Variants in CHRNA7 observed in about 807,000 individuals in gnomAD.
The protein encoded by CHRNA7 is neuronal acetylcholine receptor subunit alpha-7.
CHRNA7 carries 17 observed loss-of-function variants against 48.0 expected under a neutral mutation model. The ratio of observed to expected loss-of-function variants is 0.35; its 90% CI spans 0.24 to 0.53. The LOEUF (loss-of-function observed/expected upper bound fraction) is 0.53. Ranked by LOEUF, CHRNA7 falls within the 20% of genes least tolerant of loss-of-function variation. CHRNA7 has a pLI of 0.92. For synonymous variants in CHRNA7, 75 were observed against 242.3 expected, an observed-to-expected ratio of 0.31 and a Z score of 6.41; for missense variants, 155 against 577.7, an observed-to-expected ratio of 0.27 and a Z score of 7.50.
At chr15:32,076,287 A>G (rs1391283319) in intron 2 of CHRNA7, among the ~76,000 whole-genome samples, 3 of 152,058 alleles carry the variant, frequency 2.0e-5, no homozygotes, top group Non-Finnish European at 4.4e-5. Context: ...ATAATTGTGG[A>G]TGCTTCTGTT....
chr15:32,095,488 A>C (rs77937350), intron 2 of CHRNA7, among the ~76,000 whole-genome samples: 2,308 of 152,226 alleles, frequency 0.015, 57 homozygotes, highest in African/African-American at 0.053. Context: ...ATGGAAAATA[A>C]CCATATCTTC....
At chr15:32,060,458 G>GT (rs2049861613) in intron 2 of CHRNA7, among the ~76,000 whole-genome samples, 1 of 152,154 alleles carries the variant, frequency 6.6e-6, no homozygotes, top group Admixed American at 6.5e-5. Context: ...AATAACCACT[G>GT]TAAGAATAGA....
At chr15:32,084,234 A>C (rs12914788) in intron 2 of CHRNA7, among the ~76,000 whole-genome samples, 19,169 of 152,178 alleles carry the variant, frequency 0.13, 1,373 homozygotes, top group East Asian at 0.21. Flanking sequence ...ACTTCTTAGA[A>C]TCCTTGTGAC....
At chr15:32,061,171 A>G (rs1038552231) in intron 2 of CHRNA7, among the ~76,000 whole-genome samples, 2 of 152,192 alleles carry the variant, frequency 1.3e-5, no homozygotes, top group Non-Finnish European at 2.9e-5. Flanking sequence ...TGGAACCACC[A>G]TGCTCAGCGG....
At chr15:32,111,976 A>C in intron 4 of CHRNA7, 77 bp downstream of exon 4, 2 of 918,094 alleles carry the variant, frequency 2.2e-6, no homozygotes, top group Non-Finnish European at 3.6e-6. Flanking sequence ...TGAATATTTC[A>C]CAGAGATGCT....
At chr15:32,075,571 A>G (rs2050124478) in intron 2 of CHRNA7, among the ~76,000 whole-genome samples, 1 of 151,906 alleles carries the variant, frequency 6.6e-6, no homozygotes, top group Non-Finnish European at 1.5e-5. Flanking sequence ...CATGCTGCTT[A>G]TTTGAATCTT....
chr15:32,143,754 TG>T (rs1229593622), intron 4 of CHRNA7, among the ~76,000 whole-genome samples: 1 of 152,212 alleles, frequency 6.6e-6, no homozygotes, highest in Non-Finnish European at 1.5e-5. Flanking sequence ...GCTTTTTTTT[TG>T]CATTCCATTT....
At position 32,157,755 on chromosome 15, in the gene CHRNA7, A is replaced by G. The variant is rs201108331; in HGVS notation, c.578A>G (p.Asn193Ser). 3.9e-5 allele frequency: 50 copies of G among 1,283,634 alleles called. 11 individuals carry two copies. The East Asian group carries it at 6.5e-4, about 17-fold the overall frequency. The allele number at this position is 1,283,634 out of a possible 1,614,324, so 79.5% of individuals were successfully genotyped here. A position where few individuals can be genotyped will look rare whatever the true frequency, so the allele number is the denominator to read the frequency against. ...GCAGATATCAGTGGCTATATCCCCA[A>G]TGGAGAATGGGACCTAGTGGGTAAG... The part of the protein sequence containing the change: ...QEADISGYIP[N>S]GEWDLVGIPG... The change falls in exon 6 of 10, where the codon AAT becomes AGT. Residue 193 changes from asparagine to serine, a missense_variant. By Grantham distance (46) the Asn-to-Ser change is conservative. Coordinates refer to ENST00000306901, the MANE Select transcript of CHRNA7 (RefSeq NM_000746.6).
At chr15:32,112,278 A>T (rs1310577516) in intron 4 of CHRNA7, 3 of 462,968 alleles carry the variant, frequency 6.5e-6, no homozygotes, top group South Asian at 3.1e-5. Flanking sequence ...TATGGGATGC[A>T]CTGCTGGAGC....
intron 2 of CHRNA7, among the ~76,000 whole-genome samples, chr15:32,039,336 A>G (rs2049407173): frequency 1.3e-5 from 2 of 152,294 alleles, no homozygotes; most frequent in South Asian, 4.1e-4. Flanking sequence ...TTCCTAAAGT[A>G]GAAGCTTAGA....
chr15:32,166,314 A>G (rs2052139203), intron 9 of CHRNA7: 1 of 152,286 alleles, frequency 6.6e-6, no homozygotes, highest in Admixed American at 6.5e-5. Context: ...AACTCACCCA[A>G]GGTTTCACCT....
At chr15:32,093,769 G>C (rs1329811677) in intron 2 of CHRNA7, among the ~76,000 whole-genome samples, 2 of 152,078 alleles carry the variant, frequency 1.3e-5, no homozygotes, top group Non-Finnish European at 2.9e-5. Flanking sequence ...ATGCTGACCT[G>C]TTGGGAGGAA....
intron 2 of CHRNA7, among the ~76,000 whole-genome samples, chr15:32,053,131 T>G (rs1004511093): frequency 2.0e-5 from 3 of 152,162 alleles, no homozygotes; most frequent in African/African-American, 7.2e-5. Context: ...CTGTGGGAGA[T>G]AAACCCACAA....
At chr15:32,036,303 G>T (rs1025000409) in intron 2 of CHRNA7, among the ~76,000 whole-genome samples, 3 of 152,146 alleles carry the variant, frequency 2.0e-5, no homozygotes, top group Admixed American at 6.5e-5. Context: ...CAGTGGTCTG[G>T]ATGTAGCACA....
chr15:32,057,231 GGCCTTCT>G (rs2049802089), intron 2 of CHRNA7, among the ~76,000 whole-genome samples: 1 of 152,178 alleles, frequency 6.6e-6, no homozygotes, highest in African/African-American at 2.4e-5. Flanking sequence ...TCCAGCCAGT[GGCCTTCT>G]GCTTATTTCA....
chr15:32,099,446 A>G (rs1424700695), intron 2 of CHRNA7: 1 of 152,176 alleles, frequency 6.6e-6, no homozygotes, highest in Non-Finnish European at 1.5e-5. Context: ...GAAAAGCTGC[A>G]CTTGGTCCCA....
At chr15:32,127,386 A>G (rs1283423931) in intron 4 of CHRNA7, among the ~76,000 whole-genome samples, 1 of 152,176 alleles carries the variant, frequency 6.6e-6, no homozygotes, top group African/African-American at 2.4e-5. Context: ...TTTATAAGAA[A>G]CTGCCATACT....
chr15:32,032,673 A>G (rs1286545325), intron 2 of CHRNA7, among the ~76,000 whole-genome samples: 1 of 152,040 alleles, frequency 6.6e-6, no homozygotes, highest in Admixed American at 6.6e-5. Flanking sequence ...AGGCTGTCAC[A>G]CTGTTTGTGT....
chr15:32,126,404 T>C (rs1398305577), intron 4 of CHRNA7, among the ~76,000 whole-genome samples: 1 of 152,210 alleles, frequency 6.6e-6, no homozygotes, highest in Non-Finnish European at 1.5e-5. Flanking sequence ...TCTCTTTATC[T>C]TGGCTTTGTT....
Sources: gnomAD v4.1 joint callset for allele counts (sites outside exome capture counted in the v4.1 genomes callset) on GRCh38, gnomAD v4.1.1 for gene constraint, MANE v1.5 for transcripts, NCBI Gene and HGNC (gene_info 2026-07-23, HGNC 2026-07-21) for gene names.